Variants in KLHL7 observed in about 807,000 individuals in gnomAD.
The protein encoded by KLHL7 is kelch like family member 7.
KLHL7 carries 44 observed loss-of-function variants against 67.4 expected under a neutral mutation model. That is an observed-to-expected ratio of 0.65 (90% CI 0.51 to 0.84). The LOEUF (loss-of-function observed/expected upper bound fraction) is 0.84, where lower values mean the gene tolerates loss of function less well. Ranked by LOEUF, KLHL7 falls within the 40% of genes least tolerant of loss-of-function variation. The pLI is 0.00. For synonymous variants in KLHL7, 252 were observed against 243.3 expected, an observed-to-expected ratio of 1.04 and a Z score of -0.33; for missense variants, 362 against 718.1, an observed-to-expected ratio of 0.50 and a Z score of 5.67.
At chr7:23,119,624 A>G (rs76353704) in intron 1 of KLHL7, among the ~76,000 whole-genome samples, 3,411 of 152,326 alleles carry the variant, frequency 0.022, 139 homozygotes, top group African/African-American at 0.077. Flanking sequence ...CCTACAGACT[A>G]GTTTCACTGC....
intron 1 of KLHL7, among the ~76,000 whole-genome samples, chr7:23,116,350 A>C: frequency 6.6e-6 from 1 of 152,172 alleles, no homozygotes; most frequent in East Asian, 1.9e-4. Context: ...GCTTTTCCTC[A>C]GTATTTGAAA....
intron 6 of KLHL7, among the ~76,000 whole-genome samples, chr7:23,147,937 C>T (rs1784410703): frequency 6.6e-6 from 1 of 152,144 alleles, no homozygotes; most frequent in African/African-American, 2.4e-5. Context: ...CTTAGCCCAT[C>T]CTTTCACTAA....
At chr7:23,124,190 C>CAAAAAAAAA (rs149801497) in intron 2 of KLHL7, among the ~76,000 whole-genome samples, 3 of 25,874 alleles carry the variant, frequency 1.2e-4, no homozygotes, top group African/African-American at 4.8e-4. Context: ...GACTCTGTCT[C>CAAAAAAAAA]AAAAAAAAAA....
intron 1 of KLHL7, chr7:23,117,906 A>C (rs780479500): frequency 6.2e-7 from 1 of 1,614,102 alleles, no homozygotes; most frequent in South Asian, 1.1e-5. Context: ...TGCCAATTTG[A>C]TATCATGCTG....
intron 4 of KLHL7, among the ~76,000 whole-genome samples, chr7:23,137,272 G>C (rs1248409761): frequency 6.6e-6 from 1 of 152,156 alleles, no homozygotes; most frequent in African/African-American, 2.4e-5. Context: ...GCGACAGAGT[G>C]AGTGAGACTC....
intron 1 of KLHL7, among the ~76,000 whole-genome samples, chr7:23,117,404 CTT>C (rs1394263798): frequency 4.7e-5 from 3 of 63,878 alleles, no homozygotes; most frequent in African/African-American, 2.0e-4. Flanking sequence ...TGAATTCTTA[CTT>C]CTCTTCTTCT....
intron 6 of KLHL7, among the ~76,000 whole-genome samples, chr7:23,147,012 A>G (rs78618005): frequency 2.0e-3 from 280 of 141,524 alleles, no homozygotes; most frequent in African/African-American, 7.0e-3. Context: ...CTTATGAGTA[A>G]TTTTCTTAAT....
chr7:23,163,940 T>A (rs1363184466), intron 7 of KLHL7, among the ~76,000 whole-genome samples: 1 of 152,170 alleles, frequency 6.6e-6, no homozygotes, highest in Non-Finnish European at 1.5e-5. Flanking sequence ...ACATATACCG[T>A]CCCATCTGTG....
At position 23,117,720 on chromosome 7, in the gene KLHL7, A is replaced by T. The variant is rs554448930; in HGVS notation, c.121-6057A>T. 2,767 of 984,700 alleles carry T rather than the reference A, an allele frequency of 2.8e-3. 66 individuals carry two copies. The African/African-American group carries it at 0.039, about 14-fold the overall frequency. The allele number at this position is 984,700 out of a possible 1,614,324, so 61.0% of individuals were successfully genotyped here. A position where few individuals can be genotyped will look rare whatever the true frequency, so the allele number is the denominator to read the frequency against. ...ATGTGATTTCTAGAGAAGTCTTTTT[A>T]ATGTTTCTTAGCCTTTGCATTTATT... is the stretch of plus-strand genomic sequence containing the variant. On this transcript the variant is annotated intron_variant, in intron 1 of 10. Transcript: ENST00000339077.
At chr7:23,170,053 TA>T (rs1051846285) in intron 9 of KLHL7, among the ~76,000 whole-genome samples, 1 of 151,798 alleles carries the variant, frequency 6.6e-6, no homozygotes, top group African/African-American at 2.4e-5. Flanking sequence ...CGTCTAAAAA[TA>T]CCAAAAAAAA....
chr7:23,138,771 C>A (rs1231554847), intron 4 of KLHL7, among the ~76,000 whole-genome samples: 1 of 151,966 alleles, frequency 6.6e-6, no homozygotes, highest in Non-Finnish European at 1.5e-5. Context: ...CTCCTGACCT[C>A]AAGTGATCCC....
intron 9 of KLHL7, among the ~76,000 whole-genome samples, chr7:23,171,961 G>A (rs956914170): frequency 2.0e-5 from 3 of 152,164 alleles, no homozygotes; most frequent in African/African-American, 7.2e-5. Flanking sequence ...CGCCTGCCTC[G>A]GCCTCCCAAC....
chr7:23,167,727 C>T (rs1011108534), intron 8 of KLHL7, 109 bp from the exon 9 acceptor site: 19 of 904,282 alleles, frequency 2.1e-5, no homozygotes, highest in East Asian at 7.5e-5. Context: ...TGAAAATGGC[C>T]GTATGACCCT....
chr7:23,173,072 CT>C (rs1389689132), intron 10 of KLHL7, 27 bp downstream of exon 10: 1 of 1,521,898 alleles, frequency 6.6e-7, no homozygotes, highest in African/African-American at 1.4e-5. Flanking sequence ...CACTGTTCCA[CT>C]TTCCTGATGA....
At chr7:23,141,529 C>A (rs1784180637) in intron 5 of KLHL7, among the ~76,000 whole-genome samples, 2 of 152,220 alleles carry the variant, frequency 1.3e-5, no homozygotes, top group African/African-American at 4.8e-5. Context: ...GGACTCTGAC[C>A]TATAGAACTG....
intron 5 of KLHL7, among the ~76,000 whole-genome samples, chr7:23,141,764 T>A (rs1784191610): frequency 6.6e-6 from 1 of 150,678 alleles, no homozygotes; most frequent in East Asian, 2.0e-4. Flanking sequence ...CTGGGACTAC[T>A]GGTGCCCGCC....
rs1785289032 is a variant in KLHL7 at position 23,176,005 on chromosome 7, T to G, written c.*1707T>G. The G allele has an allele frequency of 6.9e-6, 1 of 145,360 alleles. No homozygotes were observed. Among genetic ancestry groups the G allele is most frequent in the Non-Finnish European group, 1.5e-5 (1 of 66,172 alleles). 9.0% of individuals were successfully genotyped at this position (145,360 alleles called of 1,614,324 possible). On this transcript the variant is annotated 3_prime_UTR_variant, in exon 11 of 11. Transcript: ENST00000339077. ...GTATTATTCAGTGGTTTTTAATATA[T>G]CCACAGAGTTACGCAACCATCACCA... is the stretch of plus-strand genomic sequence containing the variant.
intron 7 of KLHL7, among the ~76,000 whole-genome samples, chr7:23,153,439 C>T (rs1034201071): frequency 2.0e-5 from 3 of 152,122 alleles, no homozygotes; most frequent in African/African-American, 7.2e-5. Flanking sequence ...TTGGAACCTC[C>T]GTAAGCCCAG....
At chr7:23,162,944 A>G (rs1784891457) in intron 7 of KLHL7, among the ~76,000 whole-genome samples, 1 of 152,170 alleles carries the variant, frequency 6.6e-6, no homozygotes, top group Admixed American at 6.5e-5. Flanking sequence ...TTCTCTCAAA[A>G]TGATCCAAAA....
Sources: allele counts gnomAD v4.1 joint callset (sites outside exome capture counted in the v4.1 genomes callset), GRCh38; gene constraint gnomAD v4.1.1; transcripts MANE v1.5; gene names NCBI Gene and HGNC (gene_info 2026-07-23, HGNC 2026-07-21).